SLC30A10: variants seen among roughly 807,000 people sequenced by gnomAD.
The protein encoded by SLC30A10 is calcium/manganese antiporter SLC30A10.
Under a neutral mutation model 21.7 loss-of-function variants are expected in SLC30A10, and 8 were observed. The ratio of observed to expected loss-of-function variants is 0.37; its 90% CI spans 0.22 to 0.67. The LOEUF (loss-of-function observed/expected upper bound fraction) is 0.67. Among genes scored for constraint, SLC30A10 ranks in the 30% least tolerant of loss-of-function variants. The pLI is 0.58. For missense variants in SLC30A10, 521 were observed against 642.5 expected, an observed-to-expected ratio of 0.81 and a Z score of 2.04; for synonymous variants, 272 against 279.4, an observed-to-expected ratio of 0.97 and a Z score of 0.26.
chr1:219,929,093 G>C (rs150314683), upstream of SLC30A10, among the ~76,000 whole-genome samples: 2 of 152,302 alleles, frequency 1.3e-5, no homozygotes, highest in African/African-American at 4.8e-5. Context: ...GACCTCATCC[G>C]CCACTCAGCC....
At chr1:219,956,957 C>A (rs1010433951) in intron 1 of SLC30A10, among the ~76,000 whole-genome samples, 1 of 152,136 alleles carries the variant, frequency 6.6e-6, no homozygotes, top group African/African-American at 2.4e-5. Flanking sequence ...TGTTATGTGA[C>A]AATCAAAAAT....
At chr1:219,928,580 G>T, upstream of SLC30A10, 47 of 636,590 alleles carry the variant, frequency 7.4e-5, no homozygotes, top group Admixed American at 1.3e-4. The surrounding 1 kb of genome is among the most constrained non-coding windows in gnomAD (Gnocchi z 6.3). Context: ...CTGCCCCACC[G>T]CTTTTTATAA....
chr1:219,941,019 G>A (rs1660113887), intron 1 of SLC30A10, among the ~76,000 whole-genome samples: 1 of 152,132 alleles, frequency 6.6e-6, no homozygotes, highest in Non-Finnish European at 1.5e-5. Flanking sequence ...AAGGAAGAAA[G>A]TCCAATGAAA....
chr1:219,920,419 C>T (rs1019026209), intron 2 of SLC30A10, among the ~76,000 whole-genome samples: 8 of 152,102 alleles, frequency 5.3e-5, no homozygotes, highest in East Asian at 1.9e-4. Context: ...ATGTTTACTG[C>T]GTGAGACAGT....
At chr1:219,937,787 G>A (rs914702268) in intron 1 of SLC30A10, among the ~76,000 whole-genome samples, 1 of 152,190 alleles carries the variant, frequency 6.6e-6, no homozygotes, top group African/African-American at 2.4e-5. Flanking sequence ...ACTCCAGCCT[G>A]GGTGACAGAG....
chr1:219,923,152 G>A (rs1315640775), intron 2 of SLC30A10, among the ~76,000 whole-genome samples: 5 of 152,120 alleles, frequency 3.3e-5, no homozygotes, highest in South Asian at 2.1e-4. Flanking sequence ...CCCTGTATGC[G>A]GCCAAGGCTT....
rs775821688 is a variant in SLC30A10, at chr1:219,915,516, C to T, written c.1391G>A (p.Ser464Asn). The T allele has an allele frequency of 6.2e-7, 1 of 1,614,254 alleles. No individual in the cohort carries two copies. The highest frequency in any genetic ancestry group is 8.5e-7 in the Non-Finnish European group (1 of 1,180,052). The change falls in exon 4 of 4, where the codon AGT becomes AAT. Residue 464 changes from serine to asparagine, a missense_variant. Coordinates refer to ENST00000366926, the MANE Select transcript of SLC30A10 (RefSeq NM_018713.3). Reference protein sequence around the residue: ...AIEVSLDSCLSDHGQSLNKTQ... With the variant: ...AIEVSLDSCLNDHGQSLNKTQ... ...TTTGTTAAGACTTTGTCCGTGGTCA[C>T]TCAGACAGCTATCCAAAGACACTTC...
chr1:219,946,795 T>A (rs1156759762), intron 1 of SLC30A10, among the ~76,000 whole-genome samples: 1 of 152,162 alleles, frequency 6.6e-6, no homozygotes, highest in Non-Finnish European at 1.5e-5. Context: ...AAGCCAATTG[T>A]GACATCCAAG....
Position 219,944,067 on chromosome 1 carries a change from T to G in SLC30A10, n.80+14501A>C, listed in dbSNP as rs564056667. Among the ~76,000 whole-genome samples the G allele has an allele frequency of 1.2e-4, 18 of 148,458 alleles. No homozygotes were observed. In the East Asian group the frequency reaches 3.4e-3, roughly 28 times the overall value. On this transcript the variant is annotated intron_variant and non_coding_transcript_variant, in intron 1 of 8. Transcript: ENST00000484239. ...GTGAGCCGAGATCATGCCACTGCAC[T>G]CCAGCCTGGGTGACAGAGTGAGACT...
At chr1:219,920,570 G>A (rs1157734599) in intron 2 of SLC30A10, among the ~76,000 whole-genome samples, 3 of 152,040 alleles carry the variant, frequency 2.0e-5, no homozygotes, top group Non-Finnish European at 4.4e-5. Context: ...CTGGTTGATT[G>A]TCATAACTCC....
Position 219,920,860 on chromosome 1 carries a change from T to C in SLC30A10, c.719-2366A>G, listed in dbSNP as rs150360913. On this transcript the variant is annotated intron_variant, in intron 2 of 3. Transcript: ENST00000366926. Reference sequence around the variant, plus strand: ...TATGTCTGAATTCAGTCTTTTTCCTTACCTGCATTGCTCTGTAAAATGTTG... The same window carrying C: ...TATGTCTGAATTCAGTCTTTTTCCTCACCTGCATTGCTCTGTAAAATGTTG... Among the ~76,000 whole-genome samples, 103 of 152,334 alleles carry C rather than the reference T, an allele frequency of 6.8e-4. No homozygotes were observed. The East Asian group carries it at 0.015, about 22-fold the overall frequency.
intron 2 of SLC30A10, among the ~76,000 whole-genome samples, chr1:219,925,651 A>ATATATATATATATTTTTTTTT (rs1317554458): frequency 6.2e-5 from 3 of 48,282 alleles, no homozygotes; most frequent in African/African-American, 2.3e-4. Context: ...ATATATATAT[A>ATATATATATATATTTTTTTTT]TTTTTTTTTT....
rs1362455159 is a variant in SLC30A10 at position 219,913,716 on chromosome 1, C to T, written c.*1733G>A. On this transcript the variant is annotated 3_prime_UTR_variant, in exon 4 of 4. Coordinates refer to ENST00000366926, the MANE Select transcript of SLC30A10 (RefSeq NM_018713.3). The stretch of plus-strand genomic sequence containing the variant: ...CCCAATAAGCTCCTAGAAATAAAAA[C>T]ATTTTTAGGCATTTTTCTATTTACC... The T allele has an allele frequency of 6.6e-6, 1 of 152,106 alleles. No individual in the cohort carries two copies. Among genetic ancestry groups the T allele is most frequent in the Non-Finnish European group, 1.5e-5 (1 of 68,006 alleles). The allele number at this position is 152,106 out of a possible 1,614,324, so 9.4% of individuals were successfully genotyped here.
chr1:219,919,246 C>T (rs1345019073), intron 2 of SLC30A10, among the ~76,000 whole-genome samples: 1 of 152,050 alleles, frequency 6.6e-6, no homozygotes, highest in Non-Finnish European at 1.5e-5. Context: ...AATTGGGATT[C>T]AGTAAGTAAA....
chr1:219,937,673 G>T (rs1413669050), intron 1 of SLC30A10, among the ~76,000 whole-genome samples: 1 of 152,210 alleles, frequency 6.6e-6, no homozygotes, highest in Admixed American at 6.5e-5. Flanking sequence ...AATTAGTCAG[G>T]CGTGCTGGTG....
chr1:219,953,907 C>G lies in SLC30A10; in HGVS notation n.80+4661G>C, dbSNP rs529707666. The stretch of plus-strand genomic sequence containing the variant: ...ATATTTAGTAGAGATGGGGTTTCAC[C>G]GTGTTAGGCAGGATGGTCTCGATCT... On this transcript the variant is annotated intron_variant and non_coding_transcript_variant, in intron 1 of 8. Transcript: ENST00000484239. 7.9e-4 allele frequency among the ~76,000 whole-genome samples: 120 copies of G among 151,524 alleles called. 1 individual carries two copies. The highest frequency in any genetic ancestry group is 3.6e-3 in the Admixed American group (54 of 15,208).
At chr1:219,935,410 T>A (rs1009746888) in intron 1 of SLC30A10, among the ~76,000 whole-genome samples, 4 of 152,148 alleles carry the variant, frequency 2.6e-5, no homozygotes, top group African/African-American at 7.2e-5. Flanking sequence ...GGAGAGAGGG[T>A]CAAAACCAAA....
upstream of SLC30A10, among the ~76,000 whole-genome samples, chr1:219,930,366 A>C (rs981687376): frequency 1.3e-5 from 2 of 152,114 alleles, no homozygotes; most frequent in Non-Finnish European, 1.5e-5. Context: ...CCAGCTATTC[A>C]GGAGGCTAAA....
chr1:219,939,931 A>C (rs1390289947), intron 1 of SLC30A10, among the ~76,000 whole-genome samples: 4 of 152,196 alleles, frequency 2.6e-5, no homozygotes, highest in African/African-American at 9.7e-5. Context: ...GGAAGTGATG[A>C]GAATCATAGC....
Sources: gnomAD v4.1 joint callset for allele counts (sites outside exome capture counted in the v4.1 genomes callset) on GRCh38, gnomAD v4.1.1 for gene constraint, Gnocchi (gnomAD v3.1) non-coding constraint, MANE v1.5 for transcripts, NCBI Gene and HGNC (gene_info 2026-07-23, HGNC 2026-07-21) for gene names.